The following RRAGD variants were observed in gnomAD, a reference collection of about 807,000 sequenced individuals.
RRAGD encodes ras-related GTP-binding protein D.
In RRAGD, 12 loss-of-function variants were observed where a neutral mutation model predicts 35.5. That is an observed-to-expected ratio of 0.34 (90% CI 0.22 to 0.55). The LOEUF is 0.55. RRAGD is among the 20% of genes least tolerant of loss of function. RRAGD has a pLI of 0.91. For synonymous variants in RRAGD, 155 were observed against 178.9 expected (o/e 0.87, Z 1.07); for missense variants, 324 against 490.1 (o/e 0.66, Z 3.20).
At position 89,391,832 on chromosome 6, in the gene RRAGD, C is replaced by T. The variant is rs1769239891; in HGVS notation, c.149-4242G>A. On this transcript the variant is annotated intron_variant, in intron 1 of 6. Transcript: ENST00000369415. ...ATTAGCCAGGTGTGGTGGCACGCAC[C>T]TGTAGTCCCAGCTACTCTAAGAGCT... 2.6e-5 allele frequency among the ~76,000 whole-genome samples: 4 copies of T among 151,882 alleles called. No homozygotes were observed. The South Asian group carries it at 6.3e-4, about 24-fold the overall frequency.
In RRAGD at chr6:89,385,679, G is replaced by A. The variant is rs116261517; in HGVS notation, c.444+1616C>T. Among the ~76,000 whole-genome samples, 1,088 of 152,268 alleles carry A rather than the reference G, an allele frequency of 7.1e-3. 16 individuals carry two copies. Among genetic ancestry groups the A allele is most frequent in the African/African-American group, 0.025 (1,046 of 41,536 alleles). Reference sequence around the variant, plus strand: ...GTGTTTCTGGGTAGGCCCATGGGAAGAGAGTAAACTGCTGATCACAGATCA... The same window carrying A: ...GTGTTTCTGGGTAGGCCCATGGGAAAAGAGTAAACTGCTGATCACAGATCA... On this transcript the variant is annotated intron_variant, in intron 2 of 6. Transcript: ENST00000369415.
intron 2 of RRAGD, among the ~76,000 whole-genome samples, chr6:89,383,692 CTTTT>C (rs1218763427): frequency 1.3e-5 from 2 of 152,046 alleles, no homozygotes. Context: ...TGCTTTCATT[CTTTT>C]TTATTTTATG....
chr6:89,394,008 G>A (rs914491829), intron 1 of RRAGD, among the ~76,000 whole-genome samples: 4 of 152,148 alleles, frequency 2.6e-5, no homozygotes, highest in African/African-American at 9.7e-5. Context: ...AAAGAATAGA[G>A]CACTGGAAAG....
At chr6:89,401,061 G>A (rs1336583623) in intron 1 of RRAGD, among the ~76,000 whole-genome samples, 3 of 152,162 alleles carry the variant, frequency 2.0e-5, no homozygotes, top group African/African-American at 7.2e-5. Context: ...ACCATGCACG[G>A]CCAGCTAGGT....
chr6:89,387,704 C>G, intron 1 of RRAGD, 114 bp from the exon 2 acceptor site: 6 of 1,015,538 alleles, frequency 5.9e-6, no homozygotes, highest in Non-Finnish European at 8.8e-6. Flanking sequence ...GCCACTCTTC[C>G]AAAGAGTGCT....
intron 1 of RRAGD, among the ~76,000 whole-genome samples, chr6:89,388,582 G>A (rs1293800740): frequency 6.6e-6 from 1 of 152,118 alleles, no homozygotes; most frequent in African/African-American, 2.4e-5. Context: ...AGTGGCTAAC[G>A]TATTGGACAG....
intron 2 of RRAGD, among the ~76,000 whole-genome samples, chr6:89,386,057 T>C (rs1471089669): frequency 6.6e-6 from 1 of 152,212 alleles, no homozygotes; most frequent in Non-Finnish European, 1.5e-5. Context: ...CTGGCCAACC[T>C]GTCTCACTGT....
chr6:89,384,353 T>C (rs1280972625), intron 2 of RRAGD, among the ~76,000 whole-genome samples: 4 of 152,212 alleles, frequency 2.6e-5, no homozygotes, highest in Admixed American at 6.5e-5. Flanking sequence ...GTGGTTTTTT[T>C]CTCTTTTCGA....
Position 89,412,251 on chromosome 6 carries a change from G to A in RRAGD, c.-258C>T, listed in dbSNP as rs541286834. 2.5e-4 allele frequency: 57 copies of A among 226,420 alleles called. No individual in the cohort carries two copies. The highest frequency in any genetic ancestry group is 2.4e-4 in the Admixed American group (4 of 16,500). The allele number at this position is 226,420 out of a possible 1,614,324, so 14.0% of individuals were successfully genotyped here. On this transcript the variant is annotated 5_prime_UTR_variant, in exon 1 of 7. Transcript: ENST00000369415. The surrounding 1 kb of genome is among the most constrained non-coding windows in gnomAD (Gnocchi z 4.2). Reference sequence around the variant, plus strand: ...AGCCGGAGCGCGGCAGTTCCTCCCGGAGGAGGGAGAGAGAGAGAGACTGCG... The same window carrying A: ...AGCCGGAGCGCGGCAGTTCCTCCCGAAGGAGGGAGAGAGAGAGAGACTGCG...
chr6:89,383,022 C>A (rs1344865222), intron 2 of RRAGD, among the ~76,000 whole-genome samples: 2 of 152,180 alleles, frequency 1.3e-5, no homozygotes, highest in Non-Finnish European at 2.9e-5. Context: ...GACAGCACTG[C>A]AGTGGTTGCC....
At chr6:89,410,900 T>C (rs901027892) in intron 1 of RRAGD, among the ~76,000 whole-genome samples, 7 of 152,234 alleles carry the variant, frequency 4.6e-5, no homozygotes, top group African/African-American at 1.7e-4. Context: ...CTTGGATGCA[T>C]ACAGTTTCAC....
At chr6:89,387,853 T>C (rs2127890978) in intron 1 of RRAGD, among the ~76,000 whole-genome samples, 1 of 152,144 alleles carries the variant, frequency 6.6e-6, no homozygotes, top group African/African-American at 2.4e-5. Flanking sequence ...GTCTCGCCAC[T>C]TCTTACACCA....
At chr6:89,385,400 G>C (rs1324058353) in intron 2 of RRAGD, among the ~76,000 whole-genome samples, 1 of 152,164 alleles carries the variant, frequency 6.6e-6, no homozygotes. Flanking sequence ...GTGACTTAGG[G>C]AGAAAAATGG....
rs2127882738 is a variant in RRAGD at position 89,368,133 on chromosome 6, T to C, written c.1126A>G (p.Lys376Glu). Residue 376 changes from lysine to glutamate, a missense_variant, in exon 7 of 7, where the codon AAA (lysine) becomes GAA (glutamate). By Grantham distance (56) the Lys-to-Glu change is moderately conservative. This residue lies in a region of RRAGD where 68 missense variants were observed against 76.8 expected (regional missense o/e 0.89). Coordinates refer to ENST00000369415, the MANE Select transcript of RRAGD (RefSeq NM_021244.5). ...AGCCGATTCTGAACCTTTCGAGATT[T>C]TACTACTTTCATTCTCACCTCAAAA... ...EVFEVRMKVV[K>E]SRKVQNRLQK... 1 of 1,614,066 alleles carries C rather than the reference T, an allele frequency of 6.2e-7. No individual in the cohort carries two copies. The highest frequency in any genetic ancestry group is 8.5e-7 in the Non-Finnish European group (1 of 1,179,946).
intron 6 of RRAGD, among the ~76,000 whole-genome samples, chr6:89,368,658 A>T (rs772945035): frequency 1.4e-4 from 21 of 152,230 alleles, no homozygotes; most frequent in Non-Finnish European, 2.5e-4. Context: ...TTTACTGAGT[A>T]TCTATTATAT....
chr6:89,383,506 T>C (rs905074809), intron 2 of RRAGD, among the ~76,000 whole-genome samples: 1 of 152,238 alleles, frequency 6.6e-6, no homozygotes, highest in African/African-American at 2.4e-5. Context: ...CACTGCATAG[T>C]TTCTACTCTG....
In RRAGD at chr6:89,380,260, C is replaced by T. The variant is rs754135476; in HGVS notation, c.552G>A (p.Leu184=). 1 of 1,614,238 alleles carries T rather than the reference C, an allele frequency of 6.2e-7. No homozygotes were observed. The highest frequency in any genetic ancestry group is 1.1e-5 in the South Asian group (1 of 91,086). ...FEVFIHKVDG[L]SDDHKIETQR... is the part of the protein sequence containing the mutation. ...GGGTTTCAATTTTGTGGTCATCTGACAGACCATCCACTTTATGAATAAACA... is the reference window on the plus strand; with the variant it reads ...GGGTTTCAATTTTGTGGTCATCTGATAGACCATCCACTTTATGAATAAACA... The change falls in exon 3 of 7, where the codon CTG becomes CTA. Residue 184 remains leucine, a synonymous_variant. Transcript: ENST00000369415.
intron 2 of RRAGD, among the ~76,000 whole-genome samples, chr6:89,384,598 T>C (rs1769106912): frequency 6.6e-6 from 1 of 151,992 alleles, no homozygotes; most frequent in Non-Finnish European, 1.5e-5. Context: ...GGATGGATCA[T>C]GAGGTCAAGA....
At chr6:89,401,370 A>G (rs1769457751) in intron 1 of RRAGD, among the ~76,000 whole-genome samples, 1 of 151,656 alleles carries the variant, frequency 6.6e-6, no homozygotes, top group Non-Finnish European at 1.5e-5. Flanking sequence ...CGATTCTCCT[A>G]CCTCAGTCTC....
Sources: gnomAD v4.1 joint callset for allele counts (sites outside exome capture counted in the v4.1 genomes callset) on GRCh38, gnomAD v4.1.1 for gene constraint, gnomAD v4.1.1 regional missense constraint, Gnocchi (gnomAD v3.1) non-coding constraint, MANE v1.5 for transcripts, NCBI Gene and HGNC (gene_info 2026-07-23, HGNC 2026-07-21) for gene names.